EEPD1: variants seen among roughly 807,000 people sequenced by gnomAD.
EEPD1 encodes the protein endonuclease/exonuclease/phosphatase family domain containing 1, also known as endonuclease/exonuclease/phosphatase family domain-containing protein 1.
EEPD1 carries 17 observed loss-of-function variants against 46.3 expected under a neutral mutation model. That is an observed-to-expected ratio of 0.37 (90% CI 0.25 to 0.55). EEPD1 has a LOEUF of 0.55. Among genes scored for constraint, EEPD1 ranks in the 20% least tolerant of loss-of-function variants. EEPD1 has a pLI of 0.83. For synonymous variants in EEPD1, 313 were observed against 315.6 expected (o/e 0.99, Z 0.09); for missense variants, 673 against 745.6 (o/e 0.90, Z 1.13).
In EEPD1 at chr7:36,175,994, G is replaced by A. The variant is rs181766958; in HGVS notation, c.878+20792G>A. ...GAGAGCTGAGAGGCTGCAGGCTGTG[G>A]CGTGGGCCCTTTCAGCCCTGAGTGA... On this transcript the variant is annotated intron_variant, in intron 2 of 7. Transcript: ENST00000242108. Among the ~76,000 whole-genome samples, 643 of 152,300 alleles carry A rather than the reference G, an allele frequency of 4.2e-3. 7 individuals are homozygous for A. The highest frequency in any genetic ancestry group is 0.015 in the African/African-American group (621 of 41,570).
At chr7:36,188,447 T>C (rs1785403260) in intron 2 of EEPD1, among the ~76,000 whole-genome samples, 1 of 152,178 alleles carries the variant, frequency 6.6e-6, no homozygotes, top group Non-Finnish European at 1.5e-5. Flanking sequence ...GTCTGGGTGC[T>C]GTGGTCATGA....
intron 2 of EEPD1, among the ~76,000 whole-genome samples, chr7:36,178,977 A>G (rs1455518223): frequency 6.6e-6 from 1 of 152,262 alleles, no homozygotes; most frequent in Non-Finnish European, 1.5e-5. Context: ...AAACTTGAAA[A>G]GAGATTATGG....
intron 2 of EEPD1, among the ~76,000 whole-genome samples, chr7:36,186,329 G>C (rs185556162): frequency 6.6e-6 from 1 of 152,170 alleles, no homozygotes; most frequent in African/African-American, 2.4e-5. Context: ...GATGGGAATG[G>C]CCAGTGGGGA....
At chr7:36,282,769 A>T (rs1353432037) in intron 4 of EEPD1, among the ~76,000 whole-genome samples, 1 of 152,250 alleles carries the variant, frequency 6.6e-6, no homozygotes, top group African/African-American at 2.4e-5. Context: ...GAGAGAGCTC[A>T]TGCCTGGCTC....
chr7:36,287,889 C>T (rs915497575), intron 6 of EEPD1, 112 bp downstream of exon 6: 152 of 1,456,864 alleles, frequency 1.0e-4, no homozygotes, highest in Non-Finnish European at 1.3e-4. Context: ...CAATGTGAGT[C>T]GCGGGTACAG....
At chr7:36,215,825 T>C (rs900330952) in intron 2 of EEPD1, among the ~76,000 whole-genome samples, 4 of 152,252 alleles carry the variant, frequency 2.6e-5, no homozygotes, top group Non-Finnish European at 4.4e-5. Flanking sequence ...GGAAAATCTC[T>C]GGGCCTCCCT....
At chr7:36,285,459 C>T (rs1477587895) in intron 5 of EEPD1, among the ~76,000 whole-genome samples, 1 of 152,158 alleles carries the variant, frequency 6.6e-6, no homozygotes, top group East Asian at 1.9e-4. Context: ...AATCTCTGTC[C>T]CCCCAGCATC....
chr7:36,278,391 A>G lies in EEPD1; in HGVS notation c.931-2724A>G, dbSNP rs141258298. On this transcript the variant is annotated intron_variant, in intron 3 of 7. Coordinates refer to ENST00000242108, the MANE Select transcript of EEPD1 (RefSeq NM_030636.3). The stretch of plus-strand genomic sequence containing the variant: ...GATTAGATTTCTGGAAAAGGAGAAC[A>G]ATCCTGGTGGCACCGCTGCAGACAG... Among the ~76,000 whole-genome samples, 1,088 of 151,748 alleles carry G rather than the reference A, an allele frequency of 7.2e-3. 5 individuals are homozygous for G. The highest frequency in any genetic ancestry group is 0.011 in the Non-Finnish European group (768 of 67,942).
chr7:36,250,401 A>G (rs1291250765), intron 3 of EEPD1, among the ~76,000 whole-genome samples: 1 of 152,168 alleles, frequency 6.6e-6, no homozygotes, highest in African/African-American at 2.4e-5. Context: ...TGGATGGTGC[A>G]TGGAGATGGA....
At chr7:36,254,274 C>T (rs116495123) in intron 3 of EEPD1, among the ~76,000 whole-genome samples, 2,774 of 152,182 alleles carry the variant, frequency 0.018, 88 homozygotes, top group African/African-American at 0.063. Context: ...GCTATCCTTC[C>T]CCTAGCCCCC....
Position 36,178,056 on chromosome 7 carries a change from G to A in EEPD1, c.878+22854G>A, listed in dbSNP as rs900166583. 9.2e-5 allele frequency among the ~76,000 whole-genome samples: 14 copies of A among 152,306 alleles called. No homozygotes were observed. The East Asian group carries it at 2.7e-3, about 29-fold the overall frequency. ...TCTCAGTGTTTCATTATTGCTTCAA[G>A]TGTCTGACTTAAGGTAAGTCATTTA... On this transcript the variant is annotated intron_variant, in intron 2 of 7. Transcript: ENST00000242108.
In EEPD1 at chr7:36,172,466, G is replaced by A. The variant is rs949241970; in HGVS notation, c.878+17264G>A. Reference sequence around the variant, plus strand: ...ATGGAAGCTCTGTGCCCCTTCTGCCGTACCTTGCCCTATGCATCCCTTCAT... The same window carrying A: ...ATGGAAGCTCTGTGCCCCTTCTGCCATACCTTGCCCTATGCATCCCTTCAT... On this transcript the variant is annotated intron_variant, in intron 2 of 7. Transcript: ENST00000242108. 3.3e-5 allele frequency among the ~76,000 whole-genome samples: 5 copies of A among 152,230 alleles called. No individual in the cohort carries two copies. In the South Asian group the frequency reaches 8.3e-4, roughly 25 times the overall value.
chr7:36,216,184 A>G, intron 2 of EEPD1, among the ~76,000 whole-genome samples: 1 of 152,184 alleles, frequency 6.6e-6, no homozygotes, highest in East Asian at 1.9e-4. Context: ...AAGGAGAGGA[A>G]GGAGAGAAGA....
At chr7:36,287,799 T>G in intron 6 of EEPD1, 22 bp downstream of exon 6, 1 of 1,611,852 alleles carries the variant, frequency 6.2e-7, no homozygotes, top group Non-Finnish European at 8.5e-7. Flanking sequence ...TCTTTTGCTG[T>G]GACTCGGCCA....
At chr7:36,197,261 C>T (rs1214046737) in intron 2 of EEPD1, among the ~76,000 whole-genome samples, 1 of 143,054 alleles carries the variant, frequency 7.0e-6, no homozygotes, top group Admixed American at 6.8e-5. Flanking sequence ...GGCCCCCGCC[C>T]GGGCAGCCGC....
rs138965157 is a variant in EEPD1, at chr7:36,189,245, C to A, written c.878+34043C>A. Reference sequence around the variant, plus strand: ...GTGGTCCCCAAAAACTATTTGCTGACTGGTTAATCCAATTTGCAGAAGTTT... The same window carrying A: ...GTGGTCCCCAAAAACTATTTGCTGAATGGTTAATCCAATTTGCAGAAGTTT... On this transcript the variant is annotated intron_variant, in intron 2 of 7. Coordinates refer to ENST00000242108, the MANE Select transcript of EEPD1 (RefSeq NM_030636.3). 6.1e-3 allele frequency among the ~76,000 whole-genome samples: 934 copies of A among 152,318 alleles called. 14 individuals are homozygous for A. Among genetic ancestry groups the A allele is most frequent in the Non-Finnish European group, 7.6e-3 (514 of 68,020 alleles).
At chr7:36,210,620 T>G (rs2115724100) in intron 2 of EEPD1, among the ~76,000 whole-genome samples, 1 of 152,316 alleles carries the variant, frequency 6.6e-6, no homozygotes, top group East Asian at 1.9e-4. Flanking sequence ...CTGGCTGGCC[T>G]TTGACACCTC....
At chr7:36,241,932 C>T (rs560603218) in intron 3 of EEPD1, among the ~76,000 whole-genome samples, 8 of 152,292 alleles carry the variant, frequency 5.3e-5, no homozygotes, top group African/African-American at 1.9e-4. Flanking sequence ...TTAGAGAGGT[C>T]CCAGAGCTAA....
chr7:36,260,206 C>G (rs1052693957), intron 3 of EEPD1, among the ~76,000 whole-genome samples: 2 of 152,144 alleles, frequency 1.3e-5, no homozygotes, highest in Admixed American at 6.5e-5. Context: ...TGCTTTTAGC[C>G]TAAAAATCTG....
Sources: allele counts gnomAD v4.1 joint callset (sites outside exome capture counted in the v4.1 genomes callset), GRCh38; gene constraint gnomAD v4.1.1; transcripts MANE v1.5; gene names NCBI Gene and HGNC (gene_info 2026-07-23, HGNC 2026-07-21).